Variants in MPRIP observed in about 807,000 individuals in gnomAD.
MPRIP encodes the protein myosin phosphatase Rho-interacting protein.
MPRIP carries 59 observed loss-of-function variants against 234.9 expected under a neutral mutation model. That is an observed-to-expected ratio of 0.25 (90% confidence interval 0.20 to 0.31). The LOEUF (loss-of-function observed/expected upper bound fraction) is 0.31, where lower values mean the gene tolerates loss of function less well. Among genes scored for constraint, MPRIP ranks in the 10% least tolerant of loss-of-function variants. The pLI is 1.00. For synonymous variants in MPRIP, 1,144 were observed against 1,263.9 expected, an observed-to-expected ratio of 0.91 and a Z score of 2.01; for missense variants, 2,436 against 3,071.0, an observed-to-expected ratio of 0.79 and a Z score of 4.89.
At position 17,171,883 on chromosome 17, in the gene MPRIP, C is replaced by T; in HGVS notation, c.6472+18C>T. On this transcript the variant is annotated intron_variant, in intron 17 of 23. Coordinates refer to ENST00000651222, the MANE Select transcript of MPRIP (RefSeq NM_001364716.4). The stretch of plus-strand genomic sequence containing the variant: ...CATCTCAGGTTGGGGGGTGGGGTAA[C>T]CCTGAGGGCAGGGTGGGTGGCCAGC... 1 of 1,606,070 alleles carries T rather than the reference C, an allele frequency of 6.2e-7. No homozygotes were observed. The highest frequency in any genetic ancestry group is 8.5e-7 in the Non-Finnish European group (1 of 1,177,452).
At chr17:17,179,714 G>T in intron 22 of MPRIP, 1 of 301,832 alleles carries the variant, frequency 3.3e-6, no homozygotes, top group Non-Finnish European at 6.1e-6. Context: ...AGAGTGAGGG[G>T]ACCAAGTCCC....
chr17:17,111,993 T>C (rs1232679545), intron 3 of MPRIP, among the ~76,000 whole-genome samples: 4 of 152,200 alleles, frequency 2.6e-5, no homozygotes, highest in African/African-American at 9.7e-5. Context: ...CATTGTCGCA[T>C]GACAGTCGTC....
At chr17:17,068,011 G>A (rs1367719734) in intron 1 of MPRIP, among the ~76,000 whole-genome samples, 1 of 151,778 alleles carries the variant, frequency 6.6e-6, no homozygotes, top group African/African-American at 2.4e-5. Flanking sequence ...ATTAGTGTTG[G>A]TAGAATTGTA....
chr17:17,152,216 G>A (rs1379405881), intron 12 of MPRIP, among the ~76,000 whole-genome samples: 2 of 152,272 alleles, frequency 1.3e-5, no homozygotes, highest in Admixed American at 1.3e-4. Context: ...TTAGTGGCCT[G>A]CACTGCCCAA....
chr17:17,151,159 C>T (rs551030499), intron 12 of MPRIP, among the ~76,000 whole-genome samples: 1 of 152,220 alleles, frequency 6.6e-6, no homozygotes, highest in South Asian at 2.1e-4. Flanking sequence ...GCATGAATCA[C>T]TGTGCCCAGT....
At chr17:17,071,156 G>T (rs1318046918) in intron 1 of MPRIP, among the ~76,000 whole-genome samples, 1 of 152,204 alleles carries the variant, frequency 6.6e-6, no homozygotes, top group East Asian at 1.9e-4. Flanking sequence ...GGGGTGTGGG[G>T]CACCTCACAA....
At position 17,089,777 on chromosome 17, in the gene MPRIP, C is replaced by T. The variant is rs117164124; in HGVS notation, c.267+11701C>T. On this transcript the variant is annotated intron_variant, in intron 3 of 23. Transcript: ENST00000651222. ...CCACCTAGGTATCAGCATCACCCCA[C>T]TTCCAGAGCATTTGTGTTTTCAGTG... 2.4e-3 allele frequency among the ~76,000 whole-genome samples: 367 copies of T among 152,308 alleles called. 5 individuals are homozygous for T. Among genetic ancestry groups the T allele is most frequent in the Admixed American group, 4.6e-3 (71 of 15,310 alleles).
At chr17:17,074,671 T>G (rs184789879) in intron 1 of MPRIP, among the ~76,000 whole-genome samples, 2 of 152,242 alleles carry the variant, frequency 1.3e-5, no homozygotes, top group African/African-American at 4.8e-5. Flanking sequence ...TGGCGACCAC[T>G]AATCTGCTTT....
intron 12 of MPRIP, among the ~76,000 whole-genome samples, chr17:17,153,523 C>A (rs2045654841): frequency 6.6e-6 from 1 of 151,798 alleles, no homozygotes. Context: ...GTGCTCTTTG[C>A]TGCTTTGTCC....
intron 5 of MPRIP, among the ~76,000 whole-genome samples, chr17:17,133,908 G>A (rs4985702): frequency 0.84 from 127,195 of 152,182 alleles, 53,398 homozygotes; most frequent in East Asian, 0.99. Context: ...TGTGAAGGGC[G>A]GAAGGATGGA....
chr17:17,104,371 C>T (rs896259762), intron 3 of MPRIP, among the ~76,000 whole-genome samples: 4 of 152,178 alleles, frequency 2.6e-5, no homozygotes, highest in African/African-American at 4.8e-5. Context: ...TGGCCATGAG[C>T]GAGTTTTTGG....
intron 3 of MPRIP, among the ~76,000 whole-genome samples, chr17:17,123,703 CAAAAAAAAAA>C (rs371753802): frequency 3.3e-3 from 196 of 59,288 alleles, no homozygotes; most frequent in African/African-American, 0.01. Flanking sequence ...GACTTCGTCT[CAAAAAAAAAA>C]AAAAAAAAAA....
chr17:17,112,045 C>T (rs527602800), intron 3 of MPRIP, among the ~76,000 whole-genome samples: 2 of 152,288 alleles, frequency 1.3e-5, no homozygotes, highest in South Asian at 2.1e-4. Flanking sequence ...TTAATATTTA[C>T]GAGGTGTGCG....
chr17:17,110,406 A>G (rs1408374101), intron 3 of MPRIP, among the ~76,000 whole-genome samples: 1 of 152,258 alleles, frequency 6.6e-6, no homozygotes, highest in African/African-American at 2.4e-5. Context: ...CCGTATTGGC[A>G]TAAGGAAATC....
Position 17,190,019 on chromosome 17 carries a change from C to G in MPRIP, c.*5125C>G, listed in dbSNP as rs2046555675. On this transcript the variant is annotated 3_prime_UTR_variant, in exon 24 of 24. Coordinates refer to ENST00000651222, the MANE Select transcript of MPRIP (RefSeq NM_001364716.4). ...CGCACCTTTCACCTTCCTGGGCTTT[C>G]CTGCCCTCCAGCATTCTTCTCTAGA... The G allele has an allele frequency of 1.3e-5, 2 of 152,246 alleles. No homozygotes were observed. The highest frequency in any genetic ancestry group is 2.9e-5 in the Non-Finnish European group (2 of 68,044). The allele number at this position is 152,246 out of a possible 1,614,324, so 9.4% of individuals were successfully genotyped here. A position where few individuals can be genotyped will look rare whatever the true frequency, so the allele number is the denominator to read the frequency against.
At chr17:17,091,799 A>G (rs1022849023) in intron 3 of MPRIP, among the ~76,000 whole-genome samples, 1 of 152,176 alleles carries the variant, frequency 6.6e-6, no homozygotes, top group Non-Finnish European at 1.5e-5. Context: ...TGTTGCAAGA[A>G]CGCCTTGGGT....
At chr17:17,062,716 C>A (rs2088903708) in intron 1 of MPRIP, among the ~76,000 whole-genome samples, 1 of 152,234 alleles carries the variant, frequency 6.6e-6, no homozygotes, top group Non-Finnish European at 1.5e-5. Context: ...TAATTAATGG[C>A]CAGGTAGCGT....
At position 17,108,327 on chromosome 17, in the gene MPRIP, A is replaced by G. The variant is rs375197913; in HGVS notation, c.268-18375A>G. 1.8e-4 allele frequency among the ~76,000 whole-genome samples: 28 copies of G among 152,334 alleles called. No homozygotes were observed. In the South Asian group the frequency reaches 3.3e-3, roughly 18 times the overall value. On this transcript the variant is annotated intron_variant, in intron 3 of 23. Transcript: ENST00000651222. Reference sequence around the variant, plus strand: ...AGCAAAAAGCTGTAAGTGACTTAATACAGCTGGGTGGCCAGCCTGGGACAG... The same window carrying G: ...AGCAAAAAGCTGTAAGTGACTTAATGCAGCTGGGTGGCCAGCCTGGGACAG...
chr17:17,075,140 A>G (rs2089297783), intron 1 of MPRIP, among the ~76,000 whole-genome samples: 1 of 152,192 alleles, frequency 6.6e-6, no homozygotes, highest in South Asian at 2.1e-4. Context: ...CAGTCCTCAC[A>G]TCAGAGTCAT....
Sources: gnomAD v4.1 joint callset for allele counts (sites outside exome capture counted in the v4.1 genomes callset) on GRCh38, gnomAD v4.1.1 for gene constraint, MANE v1.5 for transcripts, NCBI Gene and HGNC (gene_info 2026-07-23, HGNC 2026-07-21) for gene names.